KSR2: variants seen among roughly 807,000 people sequenced by gnomAD.
The protein encoded by KSR2 is kinase suppressor of ras 2.
In KSR2, 25 loss-of-function variants were observed where a neutral mutation model predicts 107.8. The observed-to-expected ratio is 0.23, with a 90% confidence interval of 0.17 to 0.32. The LOEUF (loss-of-function observed/expected upper bound fraction) is 0.32. KSR2 is among the 10% of genes least tolerant of loss of function. The pLI, the probability that KSR2 is intolerant of heterozygous loss-of-function variation, is 1.00. For missense variants in KSR2, 887 were observed against 1,268.9 expected (o/e 0.70, Z 4.57); for synonymous variants, 480 against 507.0 (o/e 0.95, Z 0.71).
At chr12:117,591,947 T>C (rs773333565) in intron 5 of KSR2, among the ~76,000 whole-genome samples, 8 of 151,738 alleles carry the variant, frequency 5.3e-5, no homozygotes, top group Non-Finnish European at 1.0e-4. Flanking sequence ...AGGTGGAGGT[T>C]GCAGTGAGCT....
chr12:117,794,202 C>T, intron 3 of KSR2, among the ~76,000 whole-genome samples: 1 of 117,476 alleles, frequency 8.5e-6, no homozygotes, highest in East Asian at 3.1e-4. Context: ...ACACCATGCA[C>T]ACATACACCA....
At chr12:117,604,145 T>C (rs959106494) in intron 5 of KSR2, among the ~76,000 whole-genome samples, 11 of 152,194 alleles carry the variant, frequency 7.2e-5, no homozygotes, top group Admixed American at 2.6e-4. Context: ...CAGCTGCACA[T>C]GTGCACAGTT....
intron 4 of KSR2, among the ~76,000 whole-genome samples, chr12:117,728,767 G>A (rs1257682993): frequency 6.6e-6 from 1 of 152,220 alleles, no homozygotes; most frequent in Non-Finnish European, 1.5e-5. Flanking sequence ...TAGGGAAGAA[G>A]TGGCCTTAGA....
chr12:117,911,356 G>T (rs1223002235), intron 1 of KSR2, among the ~76,000 whole-genome samples: 1 of 152,290 alleles, frequency 6.6e-6, no homozygotes, highest in Non-Finnish European at 1.5e-5. Flanking sequence ...TCTGTCATGA[G>T]AAGAGCATGT....
intron 1 of KSR2, among the ~76,000 whole-genome samples, chr12:117,962,118 C>T (rs1749671458): frequency 6.7e-6 from 1 of 148,596 alleles, no homozygotes; most frequent in African/African-American, 2.5e-5. Flanking sequence ...GTACTCCAAC[C>T]TGGGTGACAG....
chr12:117,822,645 A>G (rs1366049703), intron 3 of KSR2, among the ~76,000 whole-genome samples: 1 of 152,224 alleles, frequency 6.6e-6, no homozygotes, highest in Non-Finnish European at 1.5e-5. Context: ...ATGTATTCCT[A>G]CAATAAAGTA....
At chr12:117,585,131 T>C (rs912136963) in intron 5 of KSR2, among the ~76,000 whole-genome samples, 2 of 152,122 alleles carry the variant, frequency 1.3e-5, no homozygotes, top group Non-Finnish European at 2.9e-5. Flanking sequence ...TAACATCTTA[T>C]AATGCACAGG....
intron 4 of KSR2, among the ~76,000 whole-genome samples, chr12:117,705,699 G>A (rs1029623343): frequency 1.3e-5 from 2 of 152,220 alleles, no homozygotes; most frequent in Admixed American, 1.3e-4. Flanking sequence ...GTTCCTGATA[G>A]ATTGGGCCAT....
chr12:117,901,024 G>C (rs369891565), intron 1 of KSR2, among the ~76,000 whole-genome samples: 1 of 152,058 alleles, frequency 6.6e-6, no homozygotes, highest in East Asian at 1.9e-4. Context: ...CGGCATCAAG[G>C]ACTCTTCCAA....
chr12:117,785,656 A>G (rs1250202474), intron 3 of KSR2, among the ~76,000 whole-genome samples: 1 of 152,170 alleles, frequency 6.6e-6, no homozygotes. Flanking sequence ...TTCATTGGAA[A>G]ATGTTCTCAT....
At chr12:117,541,228 T>TGGGAGGCA (rs1326572143) in intron 9 of KSR2, among the ~76,000 whole-genome samples, 2 of 125,058 alleles carry the variant, frequency 1.6e-5, no homozygotes, top group East Asian at 2.2e-4. Context: ...TGTGGAGGCA[T>TGGGAGGCA]GGGAGGCAGG....
rs1000284218 is a variant in KSR2, at chr12:117,453,620, A to G, written c.*13579T>C. On this transcript the variant is annotated 3_prime_UTR_variant, in exon 20 of 20. Transcript: ENST00000339824. ...TATAGAGAAAGCCTTTTTACAATTG[A>G]GGAATTTTCCTAAGGTCAGTAACTT... 1 of 152,222 alleles carries G rather than the reference A, an allele frequency of 6.6e-6. No individual in the cohort carries two copies. The highest frequency in any genetic ancestry group is 1.5e-5 in the Non-Finnish European group (1 of 68,050). The allele number at this position is 152,222 out of a possible 1,614,324, so 9.4% of individuals were successfully genotyped here.
At chr12:117,902,610 G>A (rs1249173602) in intron 1 of KSR2, among the ~76,000 whole-genome samples, 1 of 152,046 alleles carries the variant, frequency 6.6e-6, no homozygotes, top group Non-Finnish European at 1.5e-5. Context: ...TCAGGGATAG[G>A]GGAGGGATAG....
chr12:117,690,214 A>G (rs7976208), intron 4 of KSR2, among the ~76,000 whole-genome samples: 47,045 of 152,056 alleles, frequency 0.31, 7,326 homozygotes, highest in East Asian at 0.4. Context: ...TTATGTCCCC[A>G]GTCTATAGAA....
intron 1 of KSR2, 67 bp downstream of exon 1, chr12:117,968,009 G>C (rs1417319263): frequency 4.4e-6 from 6 of 1,375,726 alleles, no homozygotes; most frequent in Non-Finnish European, 6.0e-6. Context: ...TGGGGAGAAA[G>C]GAGGGGGAAA....
intron 3 of KSR2, among the ~76,000 whole-genome samples, chr12:117,810,138 G>A (rs936373503): frequency 1.3e-5 from 2 of 151,990 alleles, no homozygotes; most frequent in African/African-American, 4.8e-5. Context: ...AACTGATCTC[G>A]GTTTGTTTTT....
chr12:117,762,782 C>T (rs542815472), intron 3 of KSR2, among the ~76,000 whole-genome samples: 3 of 151,950 alleles, frequency 2.0e-5, no homozygotes, highest in East Asian at 3.9e-4. Context: ...CAATAAGAAT[C>T]GCTTGAACCC....
intron 7 of KSR2, among the ~76,000 whole-genome samples, chr12:117,564,935 C>A (rs1026529311): frequency 6.6e-6 from 1 of 152,210 alleles, no homozygotes; most frequent in Admixed American, 6.5e-5. Flanking sequence ...TGCAATGATG[C>A]CCCCTCTGCA....
At chr12:117,625,125 A>T (rs4767584) in intron 5 of KSR2, among the ~76,000 whole-genome samples, 1 of 151,990 alleles carries the variant, frequency 6.6e-6, no homozygotes, top group Non-Finnish European at 1.5e-5. Flanking sequence ...GGGTTTTCTA[A>T]TATACAATCA....
Sources: allele counts gnomAD v4.1 joint callset (sites outside exome capture counted in the v4.1 genomes callset), GRCh38; gene constraint gnomAD v4.1.1; transcripts MANE v1.5; gene names NCBI Gene and HGNC (gene_info 2026-07-23, HGNC 2026-07-21).